Variants in TMEM131 observed in about 807,000 individuals in gnomAD.
TMEM131 encodes the protein transmembrane protein 131, also known as 2610524E03Rik.
TMEM131 carries 66 observed loss-of-function variants against 211.6 expected under a neutral mutation model. That is an observed-to-expected ratio of 0.31 (90% CI 0.26 to 0.38). TMEM131 has a LOEUF of 0.38. Ranked by LOEUF, TMEM131 falls within the 10% of genes least tolerant of loss-of-function variation. TMEM131 has a pLI of 1.00. For synonymous variants in TMEM131, 844 were observed against 841.3 expected (o/e 1.00, Z -0.06); for missense variants, 2,036 against 2,299.3 (o/e 0.89, Z 2.34).
intron 1 of TMEM131, among the ~76,000 whole-genome samples, chr2:97,983,469 G>A (rs781727086): frequency 2.0e-5 from 3 of 152,166 alleles, no homozygotes; most frequent in Non-Finnish European, 4.4e-5. Flanking sequence ...GCGCCACTAA[G>A]GGCTGCATAA....
At chr2:97,967,071 C>T (rs1330441846) in intron 1 of TMEM131, among the ~76,000 whole-genome samples, 6 of 152,108 alleles carry the variant, frequency 3.9e-5, no homozygotes, top group African/African-American at 7.2e-5. Context: ...TAGATGGGGG[C>T]GGTGAGTCAG....
At chr2:97,828,559 TCAGA>T (rs1682507744) in intron 11 of TMEM131, among the ~76,000 whole-genome samples, 1 of 152,222 alleles carries the variant, frequency 6.6e-6, no homozygotes, top group African/African-American at 2.4e-5. Context: ...AAAGGATTTC[TCAGA>T]CAGTTTGCAA....
intron 25 of TMEM131, among the ~76,000 whole-genome samples, chr2:97,800,467 G>A (rs1405164619): frequency 6.6e-6 from 1 of 151,988 alleles, no homozygotes; most frequent in Non-Finnish European, 1.5e-5. Flanking sequence ...AAAGCAGAGT[G>A]GGCCGGGCAC....
chr2:97,908,736 C>A, intron 2 of TMEM131, 38 bp from the exon 3 acceptor site: 1 of 1,544,264 alleles, frequency 6.5e-7, no homozygotes, highest in Non-Finnish European at 8.9e-7. Context: ...AAAACTGAAG[C>A]CAAATATTTA....
At chr2:97,791,586 C>T (rs72946431) in intron 31 of TMEM131, among the ~76,000 whole-genome samples, 3,759 of 152,290 alleles carry the variant, frequency 0.025, 166 homozygotes, top group African/African-American at 0.087. Context: ...AGCAGGTCCA[C>T]CTTCAGTTGA....
intron 1 of TMEM131, among the ~76,000 whole-genome samples, chr2:97,929,690 T>C (rs933005772): frequency 1.3e-5 from 2 of 151,844 alleles, no homozygotes; most frequent in African/African-American, 4.9e-5. Context: ...TCAATGACAG[T>C]GCCAACCTGC....
chr2:97,861,908 G>A (rs1417620734), intron 4 of TMEM131, among the ~76,000 whole-genome samples: 2 of 152,134 alleles, frequency 1.3e-5, no homozygotes, highest in African/African-American at 4.8e-5. Flanking sequence ...AGTGGTTACA[G>A]TGGGCCTTGG....
In TMEM131 at chr2:97,815,344, T is replaced by A. The variant is rs547254307; in HGVS notation, c.1184-37A>T. On this transcript the variant is annotated intron_variant, in intron 12 of 40. Transcript: ENST00000186436. ...CATAAAAAATAATCTCTGTTACCTT[T>A]TACTACCAAAGAGAATTAGTGAATT... is the stretch of plus-strand genomic sequence containing the variant. 53 of 1,321,888 alleles carry A rather than the reference T, an allele frequency of 4.0e-5. No individual in the cohort carries two copies. In the African/African-American group the frequency reaches 5.7e-4, roughly 14 times the overall value. 81.9% of individuals were successfully genotyped at this position (1,321,888 alleles called of 1,614,324 possible).
intron 40 of TMEM131, among the ~76,000 whole-genome samples, chr2:97,758,168 A>G (rs993578040): frequency 1.3e-5 from 2 of 152,050 alleles, no homozygotes; most frequent in African/African-American, 2.4e-5. Context: ...CTTCTCTTTT[A>G]AAGAATGGTT....
In TMEM131 at chr2:97,802,673, A is replaced by C. The variant is rs1262328667; in HGVS notation, c.2520T>G (p.Leu840=). 6.2e-7 allele frequency: 1 copy of C among 1,612,202 alleles called. No individual in the cohort carries two copies. The highest frequency in any genetic ancestry group is 8.5e-7 in the Non-Finnish European group (1 of 1,179,038). The part of the protein sequence containing the change: ...LSSPRHLKFP[L]TNTNCSSEEE... ...TTACTGAGGAGCAGTTTGTATTAGT[A>C]AGTGGAAATTTCAAGTGCCGGGGTG... The change falls in exon 23 of 41, where the codon CTT becomes CTG. Residue 840 remains leucine (L), a synonymous_variant. Transcript: ENST00000186436.
In TMEM131 at chr2:97,759,740, C is replaced by T; in HGVS notation, c.5118G>A (p.Leu1706=). 6.2e-7 allele frequency: 1 copy of T among 1,612,528 alleles called. No homozygotes were observed. Among genetic ancestry groups the T allele is most frequent in the Non-Finnish European group, 8.5e-7 (1 of 1,179,258 alleles). ...TGCTTGGGTTGCTGACGGGACTCCA[C>T]AAACCCGAGCTAAATGTTACAAGAG... ...VDSDGSDSSG[L]WSPVSNPSSP... is the part of the protein sequence containing the mutation. The change falls in exon 39 of 41, where the codon TTG becomes TTA. Residue 1706 remains leucine, a synonymous_variant. Coordinates refer to ENST00000186436, the MANE Select transcript of TMEM131 (RefSeq NM_015348.2).
At chr2:97,993,063 A>AC (rs1680333229) in intron 1 of TMEM131, among the ~76,000 whole-genome samples, 1 of 152,224 alleles carries the variant, frequency 6.6e-6, no homozygotes, top group Non-Finnish European at 1.5e-5. Context: ...ATGAAAAACT[A>AC]CATTAGGTAA....
intron 15 of TMEM131, among the ~76,000 whole-genome samples, chr2:97,813,490 C>T (rs569074333): frequency 1.4e-4 from 22 of 152,250 alleles, no homozygotes; most frequent in African/African-American, 4.8e-4. Context: ...GGAGTACCTT[C>T]ATTGTTTCCT....
At chr2:97,914,048 T>G (rs1339269779) in intron 2 of TMEM131, among the ~76,000 whole-genome samples, 1 of 152,178 alleles carries the variant, frequency 6.6e-6, no homozygotes, top group African/African-American at 2.4e-5. Flanking sequence ...ATCCTACTTC[T>G]TATCAACCCA....
chr2:97,830,435 A>G (rs1682622369), intron 11 of TMEM131, among the ~76,000 whole-genome samples: 1 of 152,216 alleles, frequency 6.6e-6, no homozygotes, highest in Non-Finnish European at 1.5e-5. Context: ...TTCTCACAAC[A>G]TTCAGACCCA....
intron 1 of TMEM131, among the ~76,000 whole-genome samples, chr2:97,994,561 T>G (rs1680406560): frequency 6.6e-6 from 1 of 152,226 alleles, no homozygotes; most frequent in Non-Finnish European, 1.5e-5. Context: ...ACAGGCAGTT[T>G]CATGTGCAAT....
intron 4 of TMEM131, among the ~76,000 whole-genome samples, chr2:97,861,622 G>A (rs1674072282): frequency 6.6e-6 from 1 of 151,902 alleles, no homozygotes; most frequent in Non-Finnish European, 1.5e-5. Flanking sequence ...CCATGGGGTA[G>A]GGATCTTCTG....
At chr2:97,853,038 A>C (rs557908298) in intron 5 of TMEM131, among the ~76,000 whole-genome samples, 1 of 152,342 alleles carries the variant, frequency 6.6e-6, no homozygotes, top group Admixed American at 6.5e-5. Flanking sequence ...TTCTTTCCAA[A>C]TATTACTGCT....
intron 5 of TMEM131, among the ~76,000 whole-genome samples, chr2:97,846,266 C>A (rs182135993): frequency 6.6e-6 from 1 of 152,270 alleles, no homozygotes; most frequent in East Asian, 1.9e-4. Flanking sequence ...AGCCAATATC[C>A]TTCGTAAACA....
Sources: allele counts gnomAD v4.1 joint callset (sites outside exome capture counted in the v4.1 genomes callset), GRCh38; gene constraint gnomAD v4.1.1; transcripts MANE v1.5; gene names NCBI Gene and HGNC (gene_info 2026-07-23, HGNC 2026-07-21).